PTPRT: variants seen among roughly 807,000 people sequenced by gnomAD.
PTPRT encodes the protein protein tyrosine phosphatase receptor type T.
Under a neutral mutation model 176.8 loss-of-function variants are expected in PTPRT, and 56 were observed. The observed-to-expected ratio is 0.32, with a 90% confidence interval of 0.26 to 0.40. PTPRT has a LOEUF of 0.40. PTPRT is among the 10% of genes least tolerant of loss of function. The pLI is 1.00. For synonymous variants in PTPRT, 783 were observed against 739.0 expected, an observed-to-expected ratio of 1.06 and a Z score of -0.96; for missense variants, 1,540 against 1,908.2, an observed-to-expected ratio of 0.81 and a Z score of 3.60.
intron 1 of PTPRT, among the ~76,000 whole-genome samples, chr20:43,115,344 T>C (rs751153612): frequency 6.6e-6 from 1 of 152,176 alleles, no homozygotes; most frequent in Non-Finnish European, 1.5e-5. Context: ...GTGTCCAGCA[T>C]AGTTCATCAA....
intron 9 of PTPRT, among the ~76,000 whole-genome samples, chr20:42,368,406 C>T (rs1307480280): frequency 4.6e-5 from 7 of 152,064 alleles, no homozygotes; most frequent in Admixed American, 1.3e-4. Context: ...GCAGATGTAC[C>T]CTCCAGCTTT....
In PTPRT at chr20:42,568,275, G is replaced by A. The variant is rs142801648; in HGVS notation, c.1154-95713C>T. ...AGCCACCGCGCCCGGCTGAGTTTGC[G>A]TTTCTTGAATGCCTACTGGCTGCCA... On this transcript the variant is annotated intron_variant, in intron 7 of 30. Coordinates refer to ENST00000373187, the MANE Select transcript of PTPRT (RefSeq NM_007050.6). Among the ~76,000 whole-genome samples the A allele has an allele frequency of 1.4e-4, 22 of 152,008 alleles. No homozygotes were observed. In the East Asian group the frequency reaches 2.9e-3, roughly 20 times the overall value.
chr20:42,871,251 C>T (rs1463360071), intron 2 of PTPRT, among the ~76,000 whole-genome samples: 7 of 151,318 alleles, frequency 4.6e-5, no homozygotes, highest in Admixed American at 3.9e-4. Flanking sequence ...CGTGCCTGGC[C>T]GTATTTTCAT....
At chr20:43,133,747 CAAAAA>C (rs11366438) in intron 1 of PTPRT, among the ~76,000 whole-genome samples, 5 of 124,882 alleles carry the variant, frequency 4.0e-5, no homozygotes, top group Non-Finnish European at 3.4e-5. Flanking sequence ...GACTCTGTCT[CAAAAA>C]AAAAAAAAAA....
chr20:42,167,314 C>G (rs1427897331), intron 16 of PTPRT, among the ~76,000 whole-genome samples: 1 of 152,164 alleles, frequency 6.6e-6, no homozygotes, highest in Non-Finnish European at 1.5e-5. Flanking sequence ...TGACACACCC[C>G]AAAGCCATCT....
chr20:42,110,551 G>GT, intron 22 of PTPRT, 64 bp from the exon 23 acceptor site: 1 of 1,519,222 alleles, frequency 6.6e-7, no homozygotes, highest in Admixed American at 1.9e-5. Flanking sequence ...CCAGCAACAC[G>GT]TGGAGCCATA....
At chr20:42,858,888 G>A (rs982366604) in intron 2 of PTPRT, among the ~76,000 whole-genome samples, 2 of 152,166 alleles carry the variant, frequency 1.3e-5, no homozygotes, top group Non-Finnish European at 1.5e-5. Flanking sequence ...AGAGGAGCAT[G>A]ACTAAAATTT....
intron 7 of PTPRT, among the ~76,000 whole-genome samples, chr20:42,547,019 A>G (rs893766025): frequency 4.6e-5 from 7 of 152,192 alleles, no homozygotes; most frequent in Non-Finnish European, 1.0e-4. Flanking sequence ...GTTAAAAAAA[A>G]TAGTGCCTTA....
At chr20:43,106,477 T>C (rs570710708) in intron 1 of PTPRT, among the ~76,000 whole-genome samples, 46 of 151,718 alleles carry the variant, frequency 3.0e-4, no homozygotes, top group Admixed American at 2.7e-3. Flanking sequence ...GCCAACATGG[T>C]GAAACCCCAT....
At chr20:42,396,001 T>C (rs1457468772) in intron 9 of PTPRT, among the ~76,000 whole-genome samples, 1 of 152,164 alleles carries the variant, frequency 6.6e-6, no homozygotes, top group African/African-American at 2.4e-5. Flanking sequence ...CTGACTCCCC[T>C]GCTAACATCT....
At chr20:42,912,664 G>A (rs1325523405) in intron 1 of PTPRT, among the ~76,000 whole-genome samples, 1 of 152,124 alleles carries the variant, frequency 6.6e-6, no homozygotes, top group Non-Finnish European at 1.5e-5. Context: ...GTTAAATTAT[G>A]AATACATTTA....
intron 13 of PTPRT, among the ~76,000 whole-genome samples, chr20:42,255,501 T>C (rs1364635554): frequency 6.6e-6 from 1 of 152,178 alleles, no homozygotes; most frequent in African/African-American, 2.4e-5. Context: ...TGTAACCTGC[T>C]ACCTAAGTTC....
At chr20:42,245,447 C>A (rs562723706) in intron 14 of PTPRT, among the ~76,000 whole-genome samples, 1 of 152,230 alleles carries the variant, frequency 6.6e-6, no homozygotes, top group Non-Finnish European at 1.5e-5. Context: ...ATCTCATATC[C>A]CTTTCTCCTT....
chr20:42,590,954 G>C (rs1569000190), intron 7 of PTPRT, among the ~76,000 whole-genome samples: 4 of 150,562 alleles, frequency 2.7e-5, no homozygotes, highest in Admixed American at 2.6e-4. Flanking sequence ...GTGTGTGTGT[G>C]TGTGTGTGTG....
intron 29 of PTPRT, among the ~76,000 whole-genome samples, chr20:42,082,707 G>A (rs73271417): frequency 0.01 from 1,553 of 152,280 alleles, 22 homozygotes; most frequent in African/African-American, 0.036. Context: ...CTGTGTCTCT[G>A]TTACTCCTTT....
intron 15 of PTPRT, among the ~76,000 whole-genome samples, chr20:42,205,551 C>T (rs1458110276): frequency 6.6e-6 from 1 of 152,132 alleles, no homozygotes; most frequent in African/African-American, 2.4e-5. Context: ...AGGATTTGGA[C>T]TCTGCAAAAC....
At chr20:42,413,789 T>C (rs1351564939) in intron 9 of PTPRT, among the ~76,000 whole-genome samples, 2 of 152,152 alleles carry the variant, frequency 1.3e-5, no homozygotes, top group Non-Finnish European at 2.9e-5. Flanking sequence ...CTAGCCTTCT[T>C]GAACTATCTT....
intron 7 of PTPRT, among the ~76,000 whole-genome samples, chr20:42,649,108 T>C (rs956691427): frequency 3.3e-5 from 5 of 152,180 alleles, no homozygotes; most frequent in East Asian, 1.9e-4. Flanking sequence ...CCTGAGCCAC[T>C]GTGCCCGGCC....
chr20:42,242,834 A>G (rs1228110682), intron 14 of PTPRT, among the ~76,000 whole-genome samples: 1 of 152,146 alleles, frequency 6.6e-6, no homozygotes, highest in Non-Finnish European at 1.5e-5. Context: ...AACCATGGCT[A>G]TGGAGAAGAA....
Sources: gnomAD v4.1 joint callset for allele counts (sites outside exome capture counted in the v4.1 genomes callset) on GRCh38, gnomAD v4.1.1 for gene constraint, MANE v1.5 for transcripts, NCBI Gene and HGNC (gene_info 2026-07-23, HGNC 2026-07-21) for gene names.